The following CDH23 variants were observed in gnomAD, a reference collection of about 807,000 sequenced individuals.
CDH23 encodes the protein cadherin-23.
Under a neutral mutation model 317.1 loss-of-function variants are expected in CDH23, and 189 were observed. The ratio of observed to expected loss-of-function variants is 0.60; its 90% confidence interval spans 0.53 to 0.67. CDH23 has a LOEUF of 0.67. Ranked by LOEUF, CDH23 falls within the 30% of genes least tolerant of loss-of-function variation. CDH23 has a pLI of 0.00. For synonymous variants in CDH23, 1,839 were observed against 1,876.8 expected, an observed-to-expected ratio of 0.98 and a Z score of 0.52; for missense variants, 4,401 against 4,592.4, an observed-to-expected ratio of 0.96 and a Z score of 1.20.
chr10:71,653,350 C>T (rs1863269063), intron 14 of CDH23, among the ~76,000 whole-genome samples: 1 of 152,222 alleles, frequency 6.6e-6, no homozygotes, highest in Non-Finnish European at 1.5e-5. Flanking sequence ...CCTGTTCCAC[C>T]AGCTGTAAGG....
At chr10:71,515,276 G>A (rs888499256) in intron 6 of CDH23, among the ~76,000 whole-genome samples, 7 of 151,136 alleles carry the variant, frequency 4.6e-5, no homozygotes, top group African/African-American at 1.7e-4. Context: ...CTTATTTTTC[G>A]GTATTCTCTT....
intron 3 of CDH23, among the ~76,000 whole-genome samples, chr10:71,482,073 A>C (rs1243347357): frequency 1.3e-5 from 2 of 152,124 alleles, no homozygotes; most frequent in Non-Finnish European, 2.9e-5. Flanking sequence ...GGGCCTGGCC[A>C]AGTCCCTGGT....
intron 9 of CDH23, among the ~76,000 whole-genome samples, chr10:71,581,120 G>T (rs909615231): frequency 6.6e-6 from 1 of 152,238 alleles, no homozygotes; most frequent in South Asian, 2.1e-4. Flanking sequence ...CCTGGCCAGT[G>T]CCTGTTTATT....
intron 9 of CDH23, among the ~76,000 whole-genome samples, chr10:71,608,656 C>CCT (rs1860672268): frequency 6.6e-6 from 1 of 152,156 alleles, no homozygotes; most frequent in Admixed American, 6.5e-5. Flanking sequence ...CAGCATGAGA[C>CCT]CCCAGCCCTT....
At chr10:71,808,208 C>T (rs564208062) in intron 60 of CDH23, among the ~76,000 whole-genome samples, 34 of 152,242 alleles carry the variant, frequency 2.2e-4, no homozygotes, top group Non-Finnish European at 4.1e-4. Flanking sequence ...CATCTACCCA[C>T]CAGCCCTTTC....
Position 71,617,257 on chromosome 10 carries a change from C to T in CDH23, c.998C>T (p.Thr333Ile). The T allele has an allele frequency of 6.2e-7, 1 of 1,614,028 alleles. No homozygotes were observed. The highest frequency in any genetic ancestry group is 8.5e-7 in the Non-Finnish European group (1 of 1,179,902). ...RTPSDATVTT[T>I]FNILVIDIND... ...CCATCTGACGCTACAGTCACCACGACCTTCAATATCCTGGTTATTGACATC... is the reference window on the plus strand; with the variant it reads ...CCATCTGACGCTACAGTCACCACGATCTTCAATATCCTGGTTATTGACATC... Residue 333 changes from threonine to isoleucine, a missense_variant, in exon 11 of 70, where the codon ACC (threonine) becomes ATC (isoleucine). By Grantham distance (89) the Thr-to-Ile change is moderately conservative (BLOSUM62 -1). This residue lies in a region of CDH23 where 3,068 missense variants were observed against 3,203.3 expected (regional missense o/e 0.96). Transcript: ENST00000224721.
At chr10:71,757,763 G>A (rs10823840) in intron 38 of CDH23, 35,496 of 152,548 alleles carry the variant, frequency 0.23, 4,318 homozygotes, top group Middle Eastern at 0.3. Flanking sequence ...GAGGGAGTTC[G>A]GCTGCTGAGG....
chr10:71,809,753 A>T, intron 60 of CDH23, 67 bp from the exon 61 acceptor site: 1 of 1,571,692 alleles, frequency 6.4e-7, no homozygotes, highest in Non-Finnish European at 8.6e-7. Context: ...CCCAGGGCTC[A>T]TGCCCCTTCC....
At chr10:71,467,381 G>A (rs1264903064) in intron 3 of CDH23, among the ~76,000 whole-genome samples, 1 of 152,224 alleles carries the variant, frequency 6.6e-6, no homozygotes, top group East Asian at 1.9e-4. Context: ...TTCTGGTTGA[G>A]CAGGTCTGAG....
rs141387609 is a variant in CDH23, at chr10:71,758,287, C to T, written c.4845+16366C>T. ...TCCGTGGTTTAGCTGATCCCCATTC[C>T]GGCTTAGGTCCTCGTGCATGTCCTC... On this transcript the variant is annotated intron_variant, in intron 38 of 69. Transcript: ENST00000224721. 6.4e-3 allele frequency among the ~76,000 whole-genome samples: 971 copies of T among 152,284 alleles called. 12 individuals are homozygous for T. Among genetic ancestry groups the T allele is most frequent in the African/African-American group, 0.022 (903 of 41,546 alleles).
chr10:71,776,758 A>G (rs368471585), intron 38 of CDH23, among the ~76,000 whole-genome samples: 1 of 152,214 alleles, frequency 6.6e-6, no homozygotes, highest in African/African-American at 2.4e-5. Context: ...GCAGAACCGC[A>G]GTGAGGAATG....
rs367830450 is a variant in CDH23 at position 71,489,973 on chromosome 10, T to G, written c.146-20109T>G. Reference sequence around the variant, plus strand: ...GGCTTGTGTGGGGGTATGAATTTATTTCTAGTCACTCTGACAATAAGGGGG... The same window carrying G: ...GGCTTGTGTGGGGGTATGAATTTATGTCTAGTCACTCTGACAATAAGGGGG... On this transcript the variant is annotated intron_variant, in intron 3 of 69. Coordinates refer to ENST00000224721, the MANE Select transcript of CDH23 (RefSeq NM_022124.6). Among the ~76,000 whole-genome samples the G allele has an allele frequency of 3.9e-5, 6 of 152,178 alleles. No homozygotes were observed. In the East Asian group the frequency reaches 9.7e-4, roughly 24 times the overall value.
intron 11 of CDH23, among the ~76,000 whole-genome samples, chr10:71,636,788 C>G (rs1024571314): frequency 6.6e-6 from 1 of 152,200 alleles, no homozygotes; most frequent in African/African-American, 2.4e-5. Context: ...CCAAGAGGTG[C>G]TCCACTCCCA....
At chr10:71,482,013 A>G (rs910764610) in intron 3 of CDH23, among the ~76,000 whole-genome samples, 1 of 150,920 alleles carries the variant, frequency 6.6e-6, no homozygotes, top group Admixed American at 6.6e-5. Flanking sequence ...TCCTCTTCCC[A>G]CCCTCCCCGT....
At position 71,517,086 on chromosome 10, in the gene CDH23, A is replaced by G. The variant is rs138364256; in HGVS notation, c.429+5874A>G. On this transcript the variant is annotated intron_variant, in intron 6 of 69. Transcript: ENST00000224721. ...GTGAATTGGGTGAATGGAATTCACA[A>G]ATGCAGACAGCCATGCGGCTCCCTC... 6.3e-3 allele frequency among the ~76,000 whole-genome samples: 961 copies of G among 152,322 alleles called. 12 individuals carry two copies. Among genetic ancestry groups the G allele is most frequent in the African/African-American group, 0.022 (909 of 41,576 alleles).
At position 71,777,775 on chromosome 10, in the gene CDH23, A is replaced by G; in HGVS notation, c.4941A>G (p.Pro1647=). Residue 1647 remains proline, a synonymous_variant, in exon 39 of 70, where the codon CCA becomes CCG. Coordinates refer to ENST00000224721, the MANE Select transcript of CDH23 (RefSeq NM_022124.6). ...ATGAGGTGCTGCTGGATGAGGGCCC[A>G]GACACGCTCAACACCAGCCTCATCA... ...PHYEVLLDEG[P]DTLNTSLITI... 6.2e-7 allele frequency: 1 copy of G among 1,613,874 alleles called. No homozygotes were observed. The highest frequency in any genetic ancestry group is 8.5e-7 in the Non-Finnish European group (1 of 1,179,850).
intron 11 of CDH23, among the ~76,000 whole-genome samples, chr10:71,636,356 C>A (rs1342960102): frequency 6.6e-6 from 1 of 151,940 alleles, no homozygotes; most frequent in African/African-American, 2.4e-5. Context: ...CCCATCTCTG[C>A]AAAAAATAAA....
chr10:71,788,529 C>A (rs1039765278), intron 44 of CDH23, among the ~76,000 whole-genome samples: 1 of 151,940 alleles, frequency 6.6e-6, no homozygotes, highest in Non-Finnish European at 1.5e-5. Flanking sequence ...GATATCCGCT[C>A]GCTGCAAGCT....
chr10:71,444,885 T>G (rs150030898), intron 2 of CDH23, among the ~76,000 whole-genome samples: 262 of 152,218 alleles, frequency 1.7e-3, no homozygotes, highest in African/African-American at 6.0e-3. Flanking sequence ...TGCTGCACAA[T>G]GACAGTCCCA....
Sources: gnomAD v4.1 joint callset for allele counts (sites outside exome capture counted in the v4.1 genomes callset) on GRCh38, gnomAD v4.1.1 for gene constraint, gnomAD v4.1.1 regional missense constraint, MANE v1.5 for transcripts, NCBI Gene and HGNC (gene_info 2026-07-23, HGNC 2026-07-21) for gene names.